Variants in RPRD1B observed in about 807,000 individuals in gnomAD.
RPRD1B encodes the protein regulation of nuclear pre-mRNA domain-containing protein 1B.
A neutral mutation model predicts 41.5 loss-of-function variants in RPRD1B; 11 were observed. That is an observed-to-expected ratio of 0.27 (90% confidence interval 0.17 to 0.44). RPRD1B has a LOEUF of 0.44. RPRD1B is among the 20% of genes least tolerant of loss of function. The pLI is 1.00. For synonymous variants in RPRD1B, 158 were observed against 155.6 expected, an observed-to-expected ratio of 1.02 and a Z score of -0.12; for missense variants, 248 against 389.9, an observed-to-expected ratio of 0.64 and a Z score of 3.06.
intron 6 of RPRD1B, among the ~76,000 whole-genome samples, chr20:38,078,679 C>T (rs925934505): frequency 6.6e-6 from 1 of 152,188 alleles, no homozygotes; most frequent in Non-Finnish European, 1.5e-5. Flanking sequence ...TAGACAAGGT[C>T]GGTGTCTGCC....
intron 2 of RPRD1B, among the ~76,000 whole-genome samples, chr20:38,043,695 T>G (rs2074091892): frequency 6.6e-6 from 1 of 152,166 alleles, no homozygotes; most frequent in South Asian, 2.1e-4. Flanking sequence ...ACCTCTCCAG[T>G]GTAAAACTGA....
Position 38,090,776 on chromosome 20 carries a change from C to A in RPRD1B, c.*901C>A, listed in dbSNP as rs1045707757. 1.0e-6 allele frequency: 1 copy of A among 985,428 alleles called. No individual in the cohort carries two copies. Among genetic ancestry groups the A allele is most frequent in the Non-Finnish European group, 1.2e-6 (1 of 829,962 alleles). 61.0% of individuals were successfully genotyped at this position (985,428 alleles called of 1,614,324 possible). ...GGATCTGTGTGGGTGTTTCTTGGAC[C>A]CTTTCTTCTGGGAGTAGGGTACACA... On this transcript the variant is annotated 3_prime_UTR_variant, in exon 7 of 7. Transcript: ENST00000373433.
At chr20:38,076,906 C>CTGTTTTTTTTTTTTT (rs2074466231) in intron 6 of RPRD1B, among the ~76,000 whole-genome samples, 1 of 63,510 alleles carries the variant, frequency 1.6e-5, no homozygotes, top group Admixed American at 1.8e-4. Flanking sequence ...CATTCTGGAC[C>CTGTTTTTTTTTTTTT]TTTTTTTTTT....
At chr20:38,052,888 G>A (rs1568648986) in intron 3 of RPRD1B, among the ~76,000 whole-genome samples, 1 of 149,676 alleles carries the variant, frequency 6.7e-6, no homozygotes, top group Non-Finnish European at 1.5e-5. Context: ...TTTGCCTTAA[G>A]ATTAGTTTCA....
rs1223974127 is a variant in RPRD1B at position 38,090,244 on chromosome 20, A to G, written c.*369A>G. 2.0e-6 allele frequency: 2 copies of G among 994,616 alleles called. No individual in the cohort carries two copies. Among genetic ancestry groups the G allele is most frequent in the African/African-American group, 1.7e-5 (1 of 57,590 alleles). 61.6% of individuals were successfully genotyped at this position (994,616 alleles called of 1,614,324 possible). On this transcript the variant is annotated 3_prime_UTR_variant, in exon 7 of 7. Coordinates refer to ENST00000373433, the MANE Select transcript of RPRD1B (RefSeq NM_021215.4). ...ATCTTGTCCCTCATGACAGCATTTT[A>G]TCATGAAAGCAGCTTCTCCTTTCTG...
At chr20:38,064,879 G>A (rs1007577105) in intron 5 of RPRD1B, among the ~76,000 whole-genome samples, 1 of 151,916 alleles carries the variant, frequency 6.6e-6, no homozygotes, top group Non-Finnish European at 1.5e-5. Flanking sequence ...CCAGCTACTC[G>A]GGAGGCTGAG....
chr20:38,049,327 T>C (rs2074155484), intron 3 of RPRD1B, among the ~76,000 whole-genome samples: 1 of 151,410 alleles, frequency 6.6e-6, no homozygotes, highest in Non-Finnish European at 1.5e-5. Context: ...AAGCCCTTAA[T>C]AAGAGCTTAT....
Position 38,033,793 on chromosome 20 carries a change from A to C in RPRD1B, c.-155A>C. On this transcript the variant is annotated 5_prime_UTR_variant, in exon 1 of 7. Transcript: ENST00000373433. Reference sequence around the variant, plus strand: ...GCGGCGCGGGCGGCTGTTACTGCGGAGACCCATCCCCTCCCCCTTCTCGCA... The same window carrying C: ...GCGGCGCGGGCGGCTGTTACTGCGGCGACCCATCCCCTCCCCCTTCTCGCA... 1 of 692,000 alleles carries C rather than the reference A, an allele frequency of 1.4e-6. No individual in the cohort carries two copies. Among genetic ancestry groups the C allele is most frequent in the East Asian group, 2.9e-5 (1 of 33,900 alleles). The allele number at this position is 692,000 out of a possible 1,614,324, so 42.9% of individuals were successfully genotyped here. A position where few individuals can be genotyped will look rare whatever the true frequency, so the allele number is the denominator to read the frequency against.
intron 6 of RPRD1B, chr20:38,085,576 A>C (rs2074553742): frequency 6.6e-6 from 1 of 152,246 alleles, no homozygotes; most frequent in African/African-American, 2.4e-5. Flanking sequence ...ATTTCTTCTG[A>C]GAGCAGGAGT....
chr20:38,046,181 G>T (rs1210518567), intron 2 of RPRD1B, among the ~76,000 whole-genome samples: 1 of 152,184 alleles, frequency 6.6e-6, no homozygotes, highest in Non-Finnish European at 1.5e-5. Context: ...GTTCCAGGTA[G>T]GGTAGGGAAA....
chr20:38,042,174 G>A (rs1220094911), intron 2 of RPRD1B, among the ~76,000 whole-genome samples: 2 of 152,166 alleles, frequency 1.3e-5, no homozygotes, highest in Non-Finnish European at 2.9e-5. Context: ...AGCATAGTGA[G>A]ACCCTGTGTC....
intron 6 of RPRD1B, among the ~76,000 whole-genome samples, chr20:38,072,543 C>CA (rs538204365): frequency 1.3e-5 from 2 of 152,008 alleles, no homozygotes; most frequent in Non-Finnish European, 2.9e-5. Context: ...TCCATTTCTG[C>CA]AAAAAAGGTA....
chr20:38,063,083 C>G (rs550966967), intron 5 of RPRD1B, among the ~76,000 whole-genome samples: 5 of 152,180 alleles, frequency 3.3e-5, no homozygotes, highest in South Asian at 2.1e-4. Context: ...ATATGGGCTC[C>G]TTGCCAGTCA....
chr20:38,043,364 G>T (rs145581798), intron 2 of RPRD1B, among the ~76,000 whole-genome samples: 7 of 152,194 alleles, frequency 4.6e-5, no homozygotes, highest in African/African-American at 9.7e-5. Context: ...GATGAGGTCC[G>T]AGAGGTGGAC....
At chr20:38,035,258 G>T (rs2073988024) in intron 1 of RPRD1B, among the ~76,000 whole-genome samples, 1 of 152,134 alleles carries the variant, frequency 6.6e-6, no homozygotes, top group African/African-American at 2.4e-5. Context: ...CTACACTCCC[G>T]GATGAGTTTC....
At chr20:38,040,247 C>CTTT (rs11477093) in intron 1 of RPRD1B, among the ~76,000 whole-genome samples, 188 bp from the exon 2 acceptor site, 1 of 147,434 alleles carries the variant, frequency 6.8e-6, no homozygotes, top group Non-Finnish European at 1.5e-5. Context: ...TTTTCTTTTT[C>CTTT]TTTTTTTTTT....
chr20:38,065,978 C>A, intron 5 of RPRD1B, 103 bp from the exon 6 acceptor site: 1 of 1,136,228 alleles, frequency 8.8e-7, no homozygotes, highest in Non-Finnish European at 1.3e-6. Context: ...TTCTCAGACT[C>A]TGTATATTGG....
At chr20:38,048,702 C>G in intron 3 of RPRD1B, 1 of 571,346 alleles carries the variant, frequency 1.8e-6, no homozygotes, top group Non-Finnish European at 2.2e-6. Context: ...GACTTTTGCT[C>G]TCTGTTCTCC....
At chr20:38,077,276 G>C (rs2074471990) in intron 6 of RPRD1B, among the ~76,000 whole-genome samples, 1 of 152,016 alleles carries the variant, frequency 6.6e-6, no homozygotes, top group Admixed American at 6.6e-5. Flanking sequence ...ACTGGATGTT[G>C]ATGGCCTACC....
Sources: gnomAD v4.1 joint callset for allele counts (sites outside exome capture counted in the v4.1 genomes callset) on GRCh38, gnomAD v4.1.1 for gene constraint, MANE v1.5 for transcripts, NCBI Gene and HGNC (gene_info 2026-07-23, HGNC 2026-07-21) for gene names.